The following CYP27A1 variants were observed in gnomAD, a reference collection of about 807,000 sequenced individuals.
CYP27A1 encodes the protein cytochrome P450 family 27 subfamily A member 1.
A neutral mutation model predicts 58.2 loss-of-function variants in CYP27A1; 46 were observed. The ratio of observed to expected loss-of-function variants is 0.79; its 90% CI spans 0.62 to 1.01. The LOEUF is 1.01. CYP27A1 is among the 50% of genes least tolerant of loss of function. The probability of loss-of-function intolerance (pLI) is 0.00; values close to 1 mark genes in which losing one functional copy is unlikely to be tolerated. For missense variants in CYP27A1, 704 were observed against 687.0 expected (o/e 1.02, Z -0.28); for synonymous variants, 274 against 285.1 (o/e 0.96, Z 0.39).
rs781222632 is a variant in CYP27A1, at chr2:218,782,245, C to T, written c.63C>T (p.Cys21=). 6.4e-7 allele frequency: 1 copy of T among 1,550,446 alleles called. No individual in the cohort carries two copies. Among genetic ancestry groups the T allele is most frequent in the Non-Finnish European group, 8.7e-7 (1 of 1,149,278 alleles). Residue 21 remains cysteine (C), a synonymous_variant, in exon 1 of 9, where the codon TGC becomes TGT. Transcript: ENST00000258415. This position sits in a 1 kb window ranked among gnomAD's most constrained non-coding sequence, Gnocchi z 4.1. ...WALRGAGRGL[C]PHGARAKAAI... ...TGCGAGGGGCCGGCCGTGGCCTCTG[C>T]CCCCACGGGGCCAGAGCCAAGGCCG...
At position 218,782,977 on chromosome 2, in the gene CYP27A1, C is replaced by T. The variant is rs1468603682; in HGVS notation, c.255+540C>T. On this transcript the variant is annotated intron_variant, in intron 1 of 8. Transcript: ENST00000258415. This position sits in a 1 kb window ranked among gnomAD's most constrained non-coding sequence, Gnocchi z 4.1. ...TTGTTATTAAGAAATCAGTCTGAGG[C>T]CGGGTGCAGTGGCTCACACCTGTAA... Among the ~76,000 whole-genome samples, 9 of 152,054 alleles carry T rather than the reference C, an allele frequency of 5.9e-5. No individual in the cohort carries two copies. The highest frequency in any genetic ancestry group is 1.3e-4 in the Non-Finnish European group (9 of 67,998).
intron 1 of CYP27A1, among the ~76,000 whole-genome samples, chr2:218,786,527 T>C (rs1943442092): frequency 6.6e-6 from 1 of 152,244 alleles, no homozygotes; most frequent in African/African-American, 2.4e-5. Context: ...CCAATGCCAG[T>C]GCCTTTCTCT....
At chr2:218,813,819 C>T (rs1038113488) in intron 5 of CYP27A1, among the ~76,000 whole-genome samples, 1 of 152,210 alleles carries the variant, frequency 6.6e-6, no homozygotes, top group South Asian at 2.1e-4. Flanking sequence ...ACTGAAGGTG[C>T]GATTCTTCAT....
At chr2:218,792,346 G>A (rs961161514) in intron 1 of CYP27A1, among the ~76,000 whole-genome samples, 1 of 152,094 alleles carries the variant, frequency 6.6e-6, no homozygotes, top group Admixed American at 6.5e-5. Context: ...AACAATTTCA[G>A]TACTGGATGA....
chr2:218,789,169 T>A (rs1943467521), intron 1 of CYP27A1, among the ~76,000 whole-genome samples: 2 of 152,228 alleles, frequency 1.3e-5, no homozygotes, highest in South Asian at 4.1e-4. Flanking sequence ...TCAGGAAAAT[T>A]AGAATGATTT....
intron 1 of CYP27A1, among the ~76,000 whole-genome samples, chr2:218,806,383 T>C (rs1300329704): frequency 2.0e-5 from 3 of 152,236 alleles, no homozygotes; most frequent in African/African-American, 7.2e-5. Context: ...ATTTTGGAAA[T>C]GTCTAGAGAC....
chr2:218,786,491 C>G (rs1402072554), intron 1 of CYP27A1, among the ~76,000 whole-genome samples: 2 of 152,190 alleles, frequency 1.3e-5, no homozygotes, highest in Admixed American at 1.3e-4. Context: ...GGAATTAGGA[C>G]ATGTAAAAGT....
At chr2:218,810,787 T>G (rs1943704494) in intron 2 of CYP27A1, among the ~76,000 whole-genome samples, 1 of 152,152 alleles carries the variant, frequency 6.6e-6, no homozygotes, top group South Asian at 2.1e-4. Flanking sequence ...TTTGCAATTT[T>G]CCCTTAACAT....
At chr2:218,783,213 C>T (rs1007819180) in intron 1 of CYP27A1, among the ~76,000 whole-genome samples, 11 of 144,388 alleles carry the variant, frequency 7.6e-5, no homozygotes, top group South Asian at 2.2e-4. Flanking sequence ...GCCAAGATTA[C>T]GCCATTGCAC....
chr2:218,785,562 C>A (rs1235619140), intron 1 of CYP27A1, among the ~76,000 whole-genome samples: 1 of 152,010 alleles, frequency 6.6e-6, no homozygotes, highest in Non-Finnish European at 1.5e-5. Context: ...AGAGCAGTAA[C>A]TAACCAAAGA....
rs190547535 is a variant in CYP27A1 at position 218,784,988 on chromosome 2, G to A, written c.255+2551G>A. ...TGGGGATGGTTTTGGGATGATTCAAGTGCATTACATTTATTGTGTATTTTA... is the reference window on the plus strand; with the variant it reads ...TGGGGATGGTTTTGGGATGATTCAAATGCATTACATTTATTGTGTATTTTA... On this transcript the variant is annotated intron_variant, in intron 1 of 8. Transcript: ENST00000258415. Among the ~76,000 whole-genome samples, 299 of 152,258 alleles carry A rather than the reference G, an allele frequency of 2.0e-3. 6 individuals are homozygous for A. The highest frequency in any genetic ancestry group is 4.3e-4 in the Non-Finnish European group (29 of 68,030).
intron 1 of CYP27A1, among the ~76,000 whole-genome samples, chr2:218,784,203 G>T (rs1453282938): frequency 6.6e-6 from 1 of 152,160 alleles, no homozygotes; most frequent in Non-Finnish European, 1.5e-5. Context: ...TGTCTCTCCT[G>T]CAATCTTCCC....
At chr2:218,804,997 T>C (rs1318761502) in intron 1 of CYP27A1, among the ~76,000 whole-genome samples, 1 of 152,214 alleles carries the variant, frequency 6.6e-6, no homozygotes. Context: ...TGGTGTCTCC[T>C]ATTATGAAGA....
intron 1 of CYP27A1, among the ~76,000 whole-genome samples, chr2:218,800,225 G>C (rs1451681247): frequency 6.6e-6 from 1 of 151,998 alleles, no homozygotes; most frequent in Non-Finnish European, 1.5e-5. Context: ...AGAGTGGGAG[G>C]GGCCTCCCAT....
At position 218,792,023 on chromosome 2, in the gene CYP27A1, C is replaced by A. The variant is rs551787000; in HGVS notation, c.255+9586C>A. On this transcript the variant is annotated intron_variant, in intron 1 of 8. Coordinates refer to ENST00000258415, the MANE Select transcript of CYP27A1 (RefSeq NM_000784.4). ...TCCCAGGAATATGGGTTTGACAAACCAAATATTGGTCATAAACTATTTTAG... is the reference window on the plus strand; with the variant it reads ...TCCCAGGAATATGGGTTTGACAAACAAAATATTGGTCATAAACTATTTTAG... Among the ~76,000 whole-genome samples, 1,329 of 151,926 alleles carry A rather than the reference C, an allele frequency of 8.7e-3. 16 individuals carry two copies. The highest frequency in any genetic ancestry group is 0.03 in the African/African-American group (1,258 of 41,414).
At chr2:218,786,858 G>A (rs192355407) in intron 1 of CYP27A1, among the ~76,000 whole-genome samples, 102 of 151,660 alleles carry the variant, frequency 6.7e-4, no homozygotes, top group Admixed American at 1.6e-3. Context: ...GCAGTGGTGC[G>A]ATCATGGCTC....
intron 1 of CYP27A1, among the ~76,000 whole-genome samples, chr2:218,806,773 G>A (rs1265667069): frequency 6.6e-6 from 1 of 151,994 alleles, no homozygotes; most frequent in Non-Finnish European, 1.5e-5. Flanking sequence ...GCAAAATTGT[G>A]GTAATATTAA....
intron 1 of CYP27A1, among the ~76,000 whole-genome samples, chr2:218,800,467 A>G (rs1336807296): frequency 6.6e-6 from 1 of 152,226 alleles, no homozygotes. Context: ...ACCATGAGAC[A>G]AGCACTTTCT....
At chr2:218,804,191 T>C (rs1363246328) in intron 1 of CYP27A1, among the ~76,000 whole-genome samples, 2 of 152,354 alleles carry the variant, frequency 1.3e-5, no homozygotes, top group Admixed American at 6.5e-5. Context: ...TCTTTTTAGA[T>C]TGTTGATCCA....
Sources: gnomAD v4.1 joint callset for allele counts (sites outside exome capture counted in the v4.1 genomes callset) on GRCh38, gnomAD v4.1.1 for gene constraint, Gnocchi (gnomAD v3.1) non-coding constraint, MANE v1.5 for transcripts, NCBI Gene and HGNC (gene_info 2026-07-23, HGNC 2026-07-21) for gene names.